ZNF611: variants seen among roughly 807,000 people sequenced by gnomAD.
The protein encoded by ZNF611 is zinc finger protein 611.
A neutral mutation model predicts 8.9 loss-of-function variants in ZNF611; 6 were observed. That is an observed-to-expected ratio of 0.68 (90% CI 0.37 to 1.34). ZNF611 has a LOEUF of 1.34. Ranked by LOEUF, ZNF611 falls within the 40% of genes most tolerant of loss-of-function variation. ZNF611 has a pLI of 0.02. For missense variants in ZNF611, 874 were observed against 841.3 expected (o/e 1.04, Z -0.48); for synonymous variants, 262 against 279.7 (o/e 0.94, Z 0.63).
At chr19:52,723,205 A>G (rs541339749) in intron 3 of ZNF611, among the ~76,000 whole-genome samples, 2 of 126,844 alleles carry the variant, frequency 1.6e-5, no homozygotes, top group East Asian at 2.4e-4. Flanking sequence ...TCTTCCCTCT[A>G]TTGCTTCTCT....
chr19:52,721,942 G>C (rs78724136), intron 3 of ZNF611, among the ~76,000 whole-genome samples: 1 of 152,090 alleles, frequency 6.6e-6, no homozygotes, highest in Non-Finnish European at 1.5e-5. Context: ...CAGCTACTCA[G>C]GGGGTAGTAT....
In ZNF611 at chr19:52,704,270, A is replaced by T. The variant is rs2062224524; in HGVS notation, c.*667T>A. On this transcript the variant is annotated 3_prime_UTR_variant, in exon 6 of 6. Coordinates refer to ENST00000652185, the MANE Select transcript of ZNF611 (RefSeq NM_001161499.2). The stretch of plus-strand genomic sequence containing the variant: ...GGTTTGCTATACTCATTTCATTGGG[A>T]ACGGTTATCTCAAAAATGAATTTTC... The T allele has an allele frequency of 2.0e-6, 1 of 501,784 alleles. No individual in the cohort carries two copies. Among genetic ancestry groups the T allele is most frequent in the African/African-American group, 2.0e-5 (1 of 50,888 alleles). 31.1% of individuals were successfully genotyped at this position (501,784 alleles called of 1,614,324 possible).
chr19:52,707,796 G>A (rs1367955591), intron 5 of ZNF611, among the ~76,000 whole-genome samples: 2 of 151,646 alleles, frequency 1.3e-5, no homozygotes, highest in African/African-American at 4.8e-5. Context: ...CACTATGCCT[G>A]GCTAATTTTT....
chr19:52,723,580 C>T (rs1308464208), intron 3 of ZNF611: 1 of 152,176 alleles, frequency 6.6e-6, no homozygotes, highest in Non-Finnish European at 1.5e-5. Flanking sequence ...CCAGCCCCTC[C>T]ACACCTGTGA....
intron 1 of ZNF611, among the ~76,000 whole-genome samples, chr19:52,730,483 G>T (rs114570806): frequency 0.022 from 3,387 of 151,328 alleles, 126 homozygotes; most frequent in African/African-American, 0.079. Flanking sequence ...GTTCAGAGTT[G>T]TGTCCAATAG....
At chr19:52,719,612 T>G (rs550194987) in intron 3 of ZNF611, among the ~76,000 whole-genome samples, 2 of 152,342 alleles carry the variant, frequency 1.3e-5, no homozygotes, top group South Asian at 4.1e-4. Context: ...ACCGCTCATC[T>G]GCACCCAGGG....
intron 5 of ZNF611, among the ~76,000 whole-genome samples, chr19:52,710,275 G>A (rs1206581169): frequency 1.3e-5 from 2 of 150,810 alleles, no homozygotes; most frequent in African/African-American, 4.9e-5. Flanking sequence ...CTGTCACCCG[G>A]GATGGAGTAA....
intron 3 of ZNF611, among the ~76,000 whole-genome samples, chr19:52,725,955 T>G (rs552598956): frequency 2.0e-5 from 3 of 152,050 alleles, no homozygotes; most frequent in Admixed American, 2.0e-4. Context: ...TGTTTGGAGG[T>G]GAGAGCGGCC....
At chr19:52,733,667 C>T (rs969193175) in intron 1 of ZNF611, among the ~76,000 whole-genome samples, 38 of 150,788 alleles carry the variant, frequency 2.5e-4, no homozygotes, top group Admixed American at 6.0e-4. Context: ...TCATTCTCCC[C>T]TTCTCTCTCT....
At chr19:52,713,032 T>C (rs546831011) in intron 5 of ZNF611, among the ~76,000 whole-genome samples, 2 of 152,134 alleles carry the variant, frequency 1.3e-5, no homozygotes, top group South Asian at 2.1e-4. Flanking sequence ...CCATCTGTAA[T>C]AGAACTACCA....
chr19:52,714,266 A>C (rs1479927892), intron 4 of ZNF611, 125 bp from the exon 5 acceptor site: 1 of 1,500,944 alleles, frequency 6.7e-7, no homozygotes, highest in Non-Finnish European at 8.8e-7. Flanking sequence ...AAAGGATGTT[A>C]AGGTATTTTT....
At chr19:52,733,407 C>T (rs998647738) in intron 1 of ZNF611, among the ~76,000 whole-genome samples, 8 of 152,112 alleles carry the variant, frequency 5.3e-5, no homozygotes, top group Admixed American at 2.6e-4. Flanking sequence ...CTCAAGTCAT[C>T]CTCCCAGCTT....
At position 52,706,439 on chromosome 19, in the gene ZNF611, T is replaced by C. The variant is rs1379495985; in HGVS notation, c.616A>G (p.Asn206Asp). 43 of 1,614,080 alleles carry C rather than the reference T, an allele frequency of 2.7e-5. 1 individual carries two copies. The highest frequency in any genetic ancestry group is 3.6e-5 in the Non-Finnish European group (42 of 1,180,038). Residue 206 changes from asparagine (N) to aspartate (D), a missense_variant, in exon 6 of 6, where the codon AAT (asparagine) becomes GAT (aspartate). Physicochemically the swap from Asn to Asp is conservative, Grantham distance 23. Transcript: ENST00000652185. Reference protein sequence around the residue: ...ISCRPQTQISNNYGNNPLNSS... With the variant: ...ISCRPQTQISDNYGNNPLNSS... ...TTCAGGGGATTATTCCCATAGTTAT[T>C]AGAAATCTGGGTTTGGGGCCTACAG...
In ZNF611 at chr19:52,706,229, A is replaced by C. The variant is rs1308885158; in HGVS notation, c.826T>G (p.Cys276Gly). ...KLFNHEQYLA[C>G]HDRCHTVEKP... is the part of the protein sequence containing the mutation. ...TCAACAGTGTGACATCTATCATGGC[A>C]TGCAAGGTATTGCTCGTGATTAAAG... Residue 276 changes from cysteine to glycine, a missense_variant, in exon 6 of 6, where the codon TGC becomes GGC. Transcript: ENST00000652185. 1.9e-6 allele frequency: 3 copies of C among 1,614,070 alleles called. No individual in the cohort carries two copies. The African/African-American group carries it at 4.0e-5, about 22-fold the overall frequency.
At chr19:52,709,711 G>A (rs988565620) in intron 5 of ZNF611, among the ~76,000 whole-genome samples, 1 of 152,090 alleles carries the variant, frequency 6.6e-6, no homozygotes, top group African/African-American at 2.4e-5. Context: ...GGGATTACAG[G>A]CATGTGCCAC....
intron 3 of ZNF611, among the ~76,000 whole-genome samples, chr19:52,725,377 G>T (rs899097555): frequency 6.6e-6 from 1 of 152,226 alleles, no homozygotes; most frequent in Non-Finnish European, 1.5e-5. Flanking sequence ...CGCTCCAGGG[G>T]AGGCCGACGG....
chr19:52,721,026 GCTC>G (rs1432219569), intron 3 of ZNF611: 1 of 150,374 alleles, frequency 6.7e-6, no homozygotes, highest in African/African-American at 2.7e-5. Context: ...AGGCAGAGGC[GCTC>G]CTCACTTCCC....
In ZNF611 at chr19:52,703,543, ACT is replaced by A. The variant is rs1361857823; in HGVS notation, c.*1392_*1393del. The A allele has an allele frequency of 6.8e-6, 1 of 147,132 alleles. No individual in the cohort carries two copies. Among genetic ancestry groups the A allele is most frequent in the East Asian group, 2.0e-4 (1 of 5,032 alleles). 9.1% of individuals were successfully genotyped at this position (147,132 alleles called of 1,614,324 possible). On this transcript the variant is annotated 3_prime_UTR_variant, in exon 6 of 6. Coordinates refer to ENST00000652185, the MANE Select transcript of ZNF611 (RefSeq NM_001161499.2). ...CCAGTTCACATGGGTCGACCAAAGT[ACT>A]CTGATTGCAGGGATGAGCCACCACG...
chr19:52,707,049 C>A (rs1385935298), intron 5 of ZNF611, among the ~76,000 whole-genome samples, 185 bp from the exon 6 acceptor site: 1 of 152,074 alleles, frequency 6.6e-6, no homozygotes, highest in Non-Finnish European at 1.5e-5. Flanking sequence ...TCCTTCAAGA[C>A]AATTCTATGA....
Sources: gnomAD v4.1 joint callset for allele counts (sites outside exome capture counted in the v4.1 genomes callset) on GRCh38, gnomAD v4.1.1 for gene constraint, MANE v1.5 for transcripts, NCBI Gene and HGNC (gene_info 2026-07-23, HGNC 2026-07-21) for gene names.